STARD13: variants seen among roughly 807,000 people sequenced by gnomAD.
STARD13 encodes the protein stAR-related lipid transfer protein 13.
A neutral mutation model predicts 106.4 loss-of-function variants in STARD13; 62 were observed. The ratio of observed to expected loss-of-function variants is 0.58; its 90% CI spans 0.48 to 0.72. STARD13 has a LOEUF of 0.72. Among genes scored for constraint, STARD13 ranks in the 30% least tolerant of loss-of-function variants. STARD13 has a pLI of 0.00. For synonymous variants in STARD13, 565 were observed against 553.0 expected (o/e 1.02, Z -0.31); for missense variants, 1,387 against 1,424.0 (o/e 0.97, Z 0.42).
chr13:33,335,795 G>C (rs1428151464), intron 1 of STARD13, among the ~76,000 whole-genome samples: 1 of 152,212 alleles, frequency 6.6e-6, no homozygotes, highest in Non-Finnish European at 1.5e-5. Flanking sequence ...ATCCCAGAGA[G>C]GACTGATGTG....
intron 1 of STARD13, among the ~76,000 whole-genome samples, chr13:33,270,220 A>G (rs954470779): frequency 1.3e-5 from 2 of 152,220 alleles, no homozygotes; most frequent in Non-Finnish European, 2.9e-5. Flanking sequence ...TGGGCAACAG[A>G]GTGAGACTCG....
the STARD13 span, among the ~76,000 whole-genome samples, chr13:33,531,731 A>G: frequency 2.0e-5 from 3 of 152,204 alleles, no homozygotes; most frequent in Admixed American, 1.3e-4. Context: ...ATGAGTTCAT[A>G]TCCAATACTT....
chr13:33,490,814 A>G, the STARD13 span, among the ~76,000 whole-genome samples: 25 of 152,216 alleles, frequency 1.6e-4, no homozygotes, highest in Admixed American at 9.8e-4. Context: ...GAGCTGATTA[A>G]CACTCAAGCC....
chr13:33,325,777 G>A (rs916301272), intron 1 of STARD13, among the ~76,000 whole-genome samples: 3 of 151,952 alleles, frequency 2.0e-5, no homozygotes, highest in African/African-American at 7.2e-5. Flanking sequence ...GACGGATCAC[G>A]AGGTCAGGAG....
intron 1 of STARD13, among the ~76,000 whole-genome samples, chr13:33,329,382 A>G (rs1208886276): frequency 1.3e-5 from 2 of 152,144 alleles, no homozygotes; most frequent in African/African-American, 4.8e-5. Context: ...TAACATATCT[A>G]TTCCCTGTAT....
chr13:33,154,168 G>A (rs1311796589), intron 3 of STARD13, among the ~76,000 whole-genome samples: 2 of 152,196 alleles, frequency 1.3e-5, no homozygotes, highest in African/African-American at 2.4e-5. Flanking sequence ...GGTGTCGGGC[G>A]CACTGGGGGC....
chr13:33,500,594 G>T, the STARD13 span, among the ~76,000 whole-genome samples: 2 of 152,076 alleles, frequency 1.3e-5, no homozygotes, highest in Non-Finnish European at 2.9e-5. Flanking sequence ...AATCCATTTT[G>T]GGTGCTCTTT....
chr13:33,387,497 G>A, the STARD13 span, among the ~76,000 whole-genome samples: 1 of 152,286 alleles, frequency 6.6e-6, no homozygotes, highest in African/African-American at 2.4e-5. Context: ...CCACAGTCAA[G>A]GATGCACTCC....
At chr13:33,133,975 G>A (rs1312143866) in intron 4 of STARD13, among the ~76,000 whole-genome samples, 2 of 151,404 alleles carry the variant, frequency 1.3e-5, no homozygotes, top group African/African-American at 4.8e-5. Context: ...ACAATGAATA[G>A]TTTGTGATTA....
rs562766001 is a variant in STARD13 at position 33,312,219 on chromosome 13, A to C, written c.124+38071T>G. Among the ~76,000 whole-genome samples the C allele has an allele frequency of 1.1e-3, 175 of 152,340 alleles. 1 individual carries two copies. Among genetic ancestry groups the C allele is most frequent in the Middle Eastern group, 3.4e-3 (1 of 294 alleles). The stretch of plus-strand genomic sequence containing the variant: ...AATACAAGGTTCCATATTTAAACCC[A>C]TGCATTTATTAAAGAGAAACAAGTC... On this transcript the variant is annotated intron_variant, in intron 1 of 5. Coordinates refer to the STARD13 transcript ENST00000567873.
chr13:33,281,391 T>G (rs1891770824), intron 1 of STARD13: 1 of 150,386 alleles, frequency 6.6e-6, no homozygotes, highest in East Asian at 1.9e-4. Flanking sequence ...CTACTTACAT[T>G]TGGGTTTTCC....
chr13:33,510,341 A>C, the STARD13 span, among the ~76,000 whole-genome samples: 1 of 152,178 alleles, frequency 6.6e-6, no homozygotes, highest in Non-Finnish European at 1.5e-5. Context: ...CCACTTTGAG[A>C]ATTTTATAAA....
chr13:33,621,354 A>C, the STARD13 span, among the ~76,000 whole-genome samples: 1 of 152,046 alleles, frequency 6.6e-6, no homozygotes, highest in South Asian at 2.1e-4. Flanking sequence ...AAACTCTTTG[A>C]AAAACTCATC....
At chr13:33,474,237 C>T in the STARD13 span, among the ~76,000 whole-genome samples, 38 of 152,060 alleles carry the variant, frequency 2.5e-4, no homozygotes, top group Non-Finnish European at 4.1e-4. Flanking sequence ...TGATGTTCTT[C>T]TGTGGTGTGG....
the STARD13 span, among the ~76,000 whole-genome samples, chr13:33,609,040 T>G: frequency 8.7e-5 from 12 of 138,444 alleles, no homozygotes; most frequent in African/African-American, 1.4e-4. Flanking sequence ...GAGCCGAGAT[T>G]GCGCCACTGC....
chr13:33,493,163 C>G, the STARD13 span, among the ~76,000 whole-genome samples: 4 of 152,154 alleles, frequency 2.6e-5, no homozygotes, highest in African/African-American at 9.7e-5. Context: ...GGTGGAACAG[C>G]TAAAAAGTTT....
the STARD13 span, among the ~76,000 whole-genome samples, chr13:33,614,378 T>C: frequency 7.3e-5 from 11 of 151,168 alleles, no homozygotes; most frequent in African/African-American, 2.7e-4. Context: ...AGTTTCAGAA[T>C]TTCAGGATCC....
intron 1 of STARD13, among the ~76,000 whole-genome samples, chr13:33,341,496 G>A (rs1230723318): frequency 2.0e-5 from 3 of 151,640 alleles, no homozygotes; most frequent in Non-Finnish European, 4.4e-5. Flanking sequence ...AAAATTAGCC[G>A]GGTGTGGTGG....
chr13:33,469,130 T>C, the STARD13 span, among the ~76,000 whole-genome samples: 1 of 152,354 alleles, frequency 6.6e-6, no homozygotes, highest in East Asian at 1.9e-4. Flanking sequence ...AAGCACTTTA[T>C]ATAAATTCTC....
Sources: gnomAD v4.1 joint callset for allele counts (sites outside exome capture counted in the v4.1 genomes callset) on GRCh38, gnomAD v4.1.1 for gene constraint, MANE v1.5 for transcripts, NCBI Gene and HGNC (gene_info 2026-07-23, HGNC 2026-07-21) for gene names.